The following BIRC6 variants were observed in gnomAD, a reference collection of about 807,000 sequenced individuals.
BIRC6 encodes dual E2 ubiquitin-conjugating enzyme/E3 ubiquitin-protein ligase BIRC6.
In BIRC6, 98 loss-of-function variants were observed where a neutral mutation model predicts 503.3. That is an observed-to-expected ratio of 0.19 (90% CI 0.17 to 0.23). The LOEUF (loss-of-function observed/expected upper bound fraction) is 0.23, where lower values mean the gene tolerates loss of function less well. Ranked by LOEUF, BIRC6 falls within the 10% of genes least tolerant of loss-of-function variation. The probability of loss-of-function intolerance (pLI) is 1.00; values close to 1 mark genes in which losing one functional copy is unlikely to be tolerated. For missense variants in BIRC6, 5,360 were observed against 5,806.0 expected (o/e 0.92, Z 2.50); for synonymous variants, 2,240 against 2,078.7 (o/e 1.08, Z -2.11).
Position 32,530,937 on chromosome 2 carries a change from G to A in BIRC6, c.12095-418G>A, listed in dbSNP as rs570063277. 4.2e-4 allele frequency among the ~76,000 whole-genome samples: 64 copies of A among 152,196 alleles called. 1 individual carries two copies. Among genetic ancestry groups the A allele is most frequent in the East Asian group, 3.9e-3 (20 of 5,192 alleles). On this transcript the variant is annotated intron_variant, in intron 60 of 73. Coordinates refer to ENST00000421745, the MANE Select transcript of BIRC6 (RefSeq NM_016252.4). ...TCTTTGTCATTAATTTTTCTTAATA[G>A]GATACTTTAGAGCATATTATTTGCT... is the stretch of plus-strand genomic sequence containing the variant.
chr2:32,372,570 G>A (rs1359906032), intron 1 of BIRC6, among the ~76,000 whole-genome samples: 1 of 152,142 alleles, frequency 6.6e-6, no homozygotes, highest in Non-Finnish European at 1.5e-5. Flanking sequence ...GGGGCTGGGT[G>A]TGGTGGCTTA....
chr2:32,581,199 C>G (rs895461408), intron 66 of BIRC6, among the ~76,000 whole-genome samples: 5 of 152,192 alleles, frequency 3.3e-5, no homozygotes, highest in Admixed American at 2.6e-4. Flanking sequence ...TCATGTCTTC[C>G]TGTTCCTCTA....
chr2:32,387,275 T>G (rs2038602402), intron 3 of BIRC6, among the ~76,000 whole-genome samples: 1 of 151,894 alleles, frequency 6.6e-6, no homozygotes, highest in Non-Finnish European at 1.5e-5. Flanking sequence ...ACAGATTAAT[T>G]AGGTCTAGAA....
intron 44 of BIRC6, among the ~76,000 whole-genome samples, chr2:32,492,855 T>G (rs1007243866): frequency 7.9e-5 from 12 of 151,986 alleles, no homozygotes; most frequent in African/African-American, 2.9e-4. Flanking sequence ...ATATTGTATT[T>G]TATTTTTCCA....
At position 32,549,481 on chromosome 2, in the gene BIRC6, G is replaced by T; in HGVS notation, c.13144G>T (p.Val4382Phe). The T allele has an allele frequency of 7.0e-7, 1 of 1,430,086 alleles. No homozygotes were observed. The allele number at this position is 1,430,086 out of a possible 1,614,324, so 88.6% of individuals were successfully genotyped here. The change falls in exon 65 of 74, where the codon GTT becomes TTT. Residue 4382 changes from valine to phenylalanine, a missense_variant and splice_region_variant. Around this residue, in one of 16 missense-constraint regions of BIRC6, gnomAD observed 477 missense variants for 574.4 expected, o/e 0.83. Coordinates refer to ENST00000421745, the MANE Select transcript of BIRC6 (RefSeq NM_016252.4). ...AMSSYLRNDSVLDMARHVPLY... is the reference protein window; with the variant it reads ...AMSSYLRNDSFLDMARHVPLY... ...GTCATCTTATCTACGAAATGATTCAGGTAAATAATCCCTGTAAATGTGTCT... is the reference window on the plus strand; with the variant it reads ...GTCATCTTATCTACGAAATGATTCATGTAAATAATCCCTGTAAATGTGTCT...
At position 32,467,540 on chromosome 2, in the gene BIRC6, T is replaced by C; in HGVS notation, c.5372T>C (p.Val1791Ala). 6.2e-7 allele frequency: 1 copy of C among 1,613,956 alleles called. No individual in the cohort carries two copies. Among genetic ancestry groups the C allele is most frequent in the Middle Eastern group, 1.6e-4 (1 of 6,062 alleles). ...TCTCTCATAGGAGCAAGAAGATTTG[T>C]GACCTTGGATTTTGGGAGGCCTATA... ...ERMHSGARRFVTLDFGRPILL... is the reference protein window; with the variant it reads ...ERMHSGARRFATLDFGRPILL... The change falls in exon 27 of 74, where the codon GTG (valine) becomes GCG (alanine). Residue 1791 changes from valine to alanine, a missense_variant. Coordinates refer to ENST00000421745, the MANE Select transcript of BIRC6 (RefSeq NM_016252.4).
intron 1 of BIRC6, among the ~76,000 whole-genome samples, chr2:32,360,292 T>G (rs1005173159): frequency 6.6e-5 from 10 of 152,188 alleles, no homozygotes; most frequent in Non-Finnish European, 1.0e-4. Flanking sequence ...GACAGTGAAT[T>G]TTTAACTATG....
chr2:32,575,474 T>C lies in BIRC6; in HGVS notation c.13355+108T>C, dbSNP rs1307801022. 2.9e-6 allele frequency: 3 copies of C among 1,039,008 alleles called. No individual in the cohort carries two copies. In the African/African-American group the frequency reaches 4.7e-5, roughly 16 times the overall value. 64.4% of individuals were successfully genotyped at this position (1,039,008 alleles called of 1,614,324 possible). A position where few individuals can be genotyped will look rare whatever the true frequency, so the allele number is the denominator to read the frequency against. ...GTGATATGTGCTTTTTAAAAGCATA[T>C]ACACCCTCGGCTGGGTGCGGTGGCT... On this transcript the variant is annotated intron_variant, in intron 66 of 73. Coordinates refer to ENST00000421745, the MANE Select transcript of BIRC6 (RefSeq NM_016252.4).
At chr2:32,390,642 T>C (rs1302692832) in intron 4 of BIRC6, among the ~76,000 whole-genome samples, 1 of 152,214 alleles carries the variant, frequency 6.6e-6, no homozygotes, top group Non-Finnish European at 1.5e-5. Flanking sequence ...TACATTTTCA[T>C]TGGATGTGAC....
At chr2:32,448,978 T>G in intron 22 of BIRC6, 50 bp downstream of exon 22, 1 of 1,552,740 alleles carries the variant, frequency 6.4e-7, no homozygotes, top group Non-Finnish European at 8.8e-7. Context: ...ATCTTGGATT[T>G]AAGTTGCCAT....
chr2:32,378,012 C>G (rs2037067725), intron 2 of BIRC6, among the ~76,000 whole-genome samples: 1 of 152,080 alleles, frequency 6.6e-6, no homozygotes, highest in African/African-American at 2.4e-5. Context: ...ACAGCTGTAA[C>G]CGAGACCCAA....
intron 10 of BIRC6, among the ~76,000 whole-genome samples, chr2:32,417,817 G>A (rs1222504480): frequency 6.6e-6 from 1 of 152,136 alleles, no homozygotes; most frequent in Non-Finnish European, 1.5e-5. Context: ...GTCTCACCCT[G>A]TCAACAGGCT....
rs1305623091 is a variant in BIRC6 at position 32,617,709 on chromosome 2, C to CT, written c.14395-12dup. ...AGGGTTTGCAGTTCTAACATTAGTC[C>CT]TTTTCTCCTGCATAGCGTCACACTG... On this transcript the variant is annotated splice_polypyrimidine_tract_variant and intron_variant, in intron 73 of 73. Transcript: ENST00000421745. 1 of 1,609,722 alleles carries CT rather than the reference C, an allele frequency of 6.2e-7. No individual in the cohort carries two copies. Among genetic ancestry groups the CT allele is most frequent in the South Asian group, 1.1e-5 (1 of 90,794 alleles).
intron 70 of BIRC6, chr2:32,602,780 G>GTTATTT (rs2062152542): frequency 1.2e-5 from 5 of 425,920 alleles, no homozygotes; most frequent in African/African-American, 1.0e-4. Context: ...ACATATAATA[G>GTTATTT]GTGCTGGTCT....
chr2:32,476,516 G>A (rs1285848862), intron 34 of BIRC6, among the ~76,000 whole-genome samples, 172 bp downstream of exon 34: 2 of 152,058 alleles, frequency 1.3e-5, no homozygotes, highest in Non-Finnish European at 2.9e-5. Context: ...GATAAATGTG[G>A]TATTTAAGTA....
chr2:32,459,004 G>A (rs577722132), intron 23 of BIRC6, among the ~76,000 whole-genome samples: 293 of 152,052 alleles, frequency 1.9e-3, no homozygotes, highest in Non-Finnish European at 3.6e-3. Flanking sequence ...TTGTCTTAGC[G>A]TAACAATAGT....
At chr2:32,381,805 A>G (rs920572682) in intron 3 of BIRC6, among the ~76,000 whole-genome samples, 3 of 151,556 alleles carry the variant, frequency 2.0e-5, no homozygotes, top group African/African-American at 7.3e-5. Context: ...CGGCCTCCCA[A>G]AGTGTTGGGA....
intron 9 of BIRC6, 66 bp downstream of exon 9, chr2:32,406,623 AC>A: frequency 9.2e-7 from 1 of 1,085,072 alleles, no homozygotes; most frequent in Non-Finnish European, 1.4e-6. Flanking sequence ...ACAGCTAACT[AC>A]CACTTAATTC....
chr2:32,433,847 G>T (rs989779016), intron 13 of BIRC6, 43 bp downstream of exon 13: 2 of 1,406,076 alleles, frequency 1.4e-6, no homozygotes, highest in South Asian at 1.7e-5. Flanking sequence ...TTTATTTTGT[G>T]GTTGATTTCT....
Sources: gnomAD v4.1 joint callset for allele counts (sites outside exome capture counted in the v4.1 genomes callset) on GRCh38, gnomAD v4.1.1 for gene constraint, gnomAD v4.1.1 regional missense constraint, MANE v1.5 for transcripts, NCBI Gene and HGNC (gene_info 2026-07-23, HGNC 2026-07-21) for gene names.